Variants in DUSP22 observed in about 807,000 individuals in gnomAD.
DUSP22 encodes the protein dual specificity phosphatase 22.
In DUSP22, 24 loss-of-function variants were observed where a neutral mutation model predicts 24.5. The ratio of observed to expected loss-of-function variants is 0.98; its 90% CI spans 0.71 to 1.38. DUSP22 has a LOEUF of 1.38. Among genes scored for constraint, DUSP22 ranks in the 40% most tolerant of loss-of-function variants. DUSP22 has a pLI of 0.00. For missense variants in DUSP22, 330 were observed against 269.2 expected (o/e 1.23, Z -1.58); for synonymous variants, 160 against 106.4 (o/e 1.50, Z -3.10).
At position 350,759 on chromosome 6, in the gene DUSP22, T is replaced by C; in HGVS notation, c.*1808T>C. On this transcript the variant is annotated 3_prime_UTR_variant, in exon 7 of 7. Coordinates refer to ENST00000419235, the MANE Select transcript of DUSP22 (RefSeq NM_001286555.3). ...GTGCACCTTTACAAACCTCTCAGTG[T>C]ATTCTTGGAGTTCTTGAAATGTTGT... 3.1e-6 allele frequency: 5 copies of C among 1,613,980 alleles called. No individual in the cohort carries two copies. The highest frequency in any genetic ancestry group is 1.3e-5 in the African/African-American group (1 of 75,082).
intron 1 of DUSP22, among the ~76,000 whole-genome samples, chr6:294,403 A>C (rs1367828099): frequency 6.6e-6 from 1 of 152,298 alleles, no homozygotes; most frequent in African/African-American, 2.4e-5. Context: ...GATTCTTCAC[A>C]GAACCTTCAG....
At chr6:293,156 T>A (rs1281183085) in intron 1 of DUSP22, among the ~76,000 whole-genome samples, 1 of 152,300 alleles carries the variant, frequency 6.6e-6, no homozygotes, top group African/African-American at 2.4e-5. Flanking sequence ...AACCTGTTGC[T>A]GGCTGCTTGC....
chr6:351,305 G>A lies in DUSP22; in HGVS notation c.*2354G>A, dbSNP rs927921157. The A allele has an allele frequency of 2.0e-4, 36 of 183,654 alleles. No individual in the cohort carries two copies. Among genetic ancestry groups the A allele is most frequent in the Non-Finnish European group, 3.7e-4 (33 of 88,038 alleles). The allele number at this position is 183,654 out of a possible 1,614,324, so 11.4% of individuals were successfully genotyped here. On this transcript the variant is annotated 3_prime_UTR_variant, in exon 7 of 7. Transcript: ENST00000419235. ...GGTTTGTGTTCTCCGTGGTGGAATT[G>A]ACCGAAAGCTCTATGTTTTCGTTAA...
chr6:349,020 G>T lies in DUSP22; in HGVS notation c.*69G>T. On this transcript the variant is annotated 3_prime_UTR_variant, in exon 7 of 7. Transcript: ENST00000419235. The stretch of plus-strand genomic sequence containing the variant: ...GTGCCCGGCTGGGCAGGGGTGCGGT[G>T]GTGGTGGCCGATGAGGACAGGAAAG... The T allele has an allele frequency of 6.5e-7, 1 of 1,534,030 alleles. No individual in the cohort carries two copies.
intron 4 of DUSP22, 64 bp downstream of exon 4, chr6:335,227 C>T (rs1759310873): frequency 1.3e-6 from 2 of 1,582,422 alleles, no homozygotes; most frequent in Admixed American, 1.7e-5. Flanking sequence ...ATGGTAAAGT[C>T]AGAGAAGTAG....
intron 4 of DUSP22, among the ~76,000 whole-genome samples, chr6:343,014 A>G (rs1759682494): frequency 6.6e-6 from 1 of 152,308 alleles, no homozygotes; most frequent in African/African-American, 2.4e-5. Context: ...GCTCCTGCCC[A>G]ACAAGGCTCC....
intron 1 of DUSP22, 25 bp from the exon 2 acceptor site, chr6:304,603 A>G (rs1215542943): frequency 1.9e-6 from 3 of 1,614,100 alleles, no homozygotes; most frequent in South Asian, 2.2e-5. Flanking sequence ...TGCCATGCTC[A>G]TGTCTGTGTC....
chr6:314,558 CTAAG>C (rs1451498952), intron 3 of DUSP22, among the ~76,000 whole-genome samples: 3 of 152,302 alleles, frequency 2.0e-5, no homozygotes, highest in Non-Finnish European at 4.4e-5. Flanking sequence ...GTGATGGAGA[CTAAG>C]TGAGAGAGGG....
intron 3 of DUSP22, among the ~76,000 whole-genome samples, chr6:317,276 C>G (rs1026886525): frequency 6.6e-6 from 1 of 152,302 alleles, no homozygotes; most frequent in African/African-American, 2.4e-5. Context: ...GGCCTGAGGC[C>G]GAGGTCTCCT....
chr6:308,540 G>T (rs1399725960), intron 2 of DUSP22, among the ~76,000 whole-genome samples: 1 of 152,308 alleles, frequency 6.6e-6, no homozygotes, highest in Non-Finnish European at 1.5e-5. Context: ...TGGCCCCGGA[G>T]TGCTTCCCTG....
intron 1 of DUSP22, among the ~76,000 whole-genome samples, chr6:292,999 T>C (rs1757165587): frequency 6.6e-6 from 1 of 152,298 alleles, no homozygotes; most frequent in South Asian, 2.1e-4. Flanking sequence ...TCTCCTCAGA[T>C]TCTGTGTGTG....
chr6:348,294 C>T lies in DUSP22; in HGVS notation c.435+20C>T. 6.2e-7 allele frequency: 1 copy of T among 1,613,738 alleles called. No individual in the cohort carries two copies. Among genetic ancestry groups the T allele is most frequent in the Middle Eastern group, 1.7e-4 (1 of 6,058 alleles). ...CATCAGGTAAGCAGTTCTTAGGGGA[C>T]ATCAGAGATGCAGGCAGGTGCCCCT... On this transcript the variant is annotated intron_variant, in intron 6 of 6. Coordinates refer to ENST00000419235, the MANE Select transcript of DUSP22 (RefSeq NM_001286555.3).
chr6:335,078 T>C (rs765174826), intron 3 of DUSP22, 36 bp from the exon 4 acceptor site: 2 of 1,604,504 alleles, frequency 1.2e-6, no homozygotes, highest in African/African-American at 2.7e-5. Context: ...GTTTCATGTT[T>C]TTATTTTTAT....
chr6:316,180 A>G (rs2127400680), intron 3 of DUSP22, among the ~76,000 whole-genome samples: 1 of 152,406 alleles, frequency 6.6e-6, no homozygotes, highest in African/African-American at 2.4e-5. Flanking sequence ...GCTGGTTCTC[A>G]CATCATCTGT....
chr6:319,693 G>A (rs1758504602), intron 3 of DUSP22, among the ~76,000 whole-genome samples: 1 of 152,308 alleles, frequency 6.6e-6, no homozygotes, highest in Non-Finnish European at 1.5e-5. Flanking sequence ...TTGCTAGAAA[G>A]GTCCAAGTCT....
At chr6:308,839 G>A (rs940995527) in intron 2 of DUSP22, among the ~76,000 whole-genome samples, 7 of 152,422 alleles carry the variant, frequency 4.6e-5, no homozygotes, top group South Asian at 4.1e-4. Flanking sequence ...AAACAAATAC[G>A]GATGGTTGAC....
At chr6:315,825 GA>G (rs1758315096) in intron 3 of DUSP22, among the ~76,000 whole-genome samples, 1 of 152,308 alleles carries the variant, frequency 6.6e-6, no homozygotes, top group Non-Finnish European at 1.5e-5. Context: ...GTGGGTAACA[GA>G]AGTGAGTTCA....
chr6:302,104 A>G (rs1487559813), intron 1 of DUSP22, among the ~76,000 whole-genome samples: 1 of 152,306 alleles, frequency 6.6e-6, no homozygotes, highest in South Asian at 2.1e-4. Context: ...GCTCAGAGAG[A>G]AATGCAGAAG....
intron 3 of DUSP22, among the ~76,000 whole-genome samples, chr6:318,437 G>T (rs996835551): frequency 1.3e-4 from 20 of 152,426 alleles, no homozygotes; most frequent in African/African-American, 3.6e-4. Context: ...CTCATTGCCT[G>T]TGGCCCTCCT....
Sources: allele counts gnomAD v4.1 joint callset (sites outside exome capture counted in the v4.1 genomes callset), GRCh38; gene constraint gnomAD v4.1.1; transcripts MANE v1.5; gene names NCBI Gene and HGNC (gene_info 2026-07-23, HGNC 2026-07-21).